Variants in SLC31A1 observed in about 807,000 individuals in gnomAD.
The protein encoded by SLC31A1 is solute carrier family 31 member 1.
In SLC31A1, 5 loss-of-function variants were observed where a neutral mutation model predicts 17.2. The observed-to-expected ratio is 0.29, with a 90% CI of 0.15 to 0.61. The LOEUF is 0.61. Ranked by LOEUF, SLC31A1 falls within the 20% of genes least tolerant of loss-of-function variation. The pLI, the probability that SLC31A1 is intolerant of heterozygous loss-of-function variation, is 0.86. For missense variants in SLC31A1, 161 were observed against 241.4 expected, an observed-to-expected ratio of 0.67 and a Z score of 2.21; for synonymous variants, 76 against 78.8, an observed-to-expected ratio of 0.96 and a Z score of 0.19.
intron 1 of SLC31A1, among the ~76,000 whole-genome samples, chr9:113,242,599 C>T (rs547081025): frequency 1.6e-4 from 24 of 152,194 alleles, no homozygotes; most frequent in African/African-American, 5.5e-4. Context: ...GAGATGGGGT[C>T]TCACTGTATT....
At chr9:113,235,065 T>C (rs1564206929) in intron 1 of SLC31A1, among the ~76,000 whole-genome samples, 1 of 152,186 alleles carries the variant, frequency 6.6e-6, no homozygotes, top group Non-Finnish European at 1.5e-5. Context: ...AGCCACAGAC[T>C]GGGAGAAGAT....
rs1161469322 is a variant in SLC31A1 at position 113,261,612 on chromosome 9, C to T, written c.*1139C>T. On this transcript the variant is annotated 3_prime_UTR_variant, in exon 5 of 5. Coordinates refer to ENST00000374212, the MANE Select transcript of SLC31A1 (RefSeq NM_001859.4). The stretch of plus-strand genomic sequence containing the variant: ...AGCAAGAGAGTTTGAATTAATTTTT[C>T]CATTATAATGTTTTCGCATGTCTGC... 1 of 152,540 alleles carries T rather than the reference C, an allele frequency of 6.6e-6. No homozygotes were observed. Among genetic ancestry groups the T allele is most frequent in the Non-Finnish European group, 1.5e-5 (1 of 68,028 alleles). The allele number at this position is 152,540 out of a possible 1,614,324, so 9.4% of individuals were successfully genotyped here.
intron 2 of SLC31A1, 148 bp from the exon 3 acceptor site, chr9:113,256,965 G>A (rs113882424): frequency 7.2e-6 from 5 of 698,000 alleles, no homozygotes; most frequent in African/African-American, 1.8e-5. Flanking sequence ...TGGTGGTAAC[G>A]CTAACATGAG....
Position 113,258,875 on chromosome 9 carries a change from C to T in SLC31A1, c.371+13C>T, listed in dbSNP as rs1246965854. ...ACAAAACTGTTGGGTAAGAACTGAACAGATCCAGATGAAGTCCTAAAGAAC... is the reference window on the plus strand; with the variant it reads ...ACAAAACTGTTGGGTAAGAACTGAATAGATCCAGATGAAGTCCTAAAGAAC... On this transcript the variant is annotated intron_variant, in intron 4 of 4. Transcript: ENST00000374212. The surrounding 1 kb of genome is among the most constrained non-coding windows in gnomAD (Gnocchi z 4.8). The T allele has an allele frequency of 1.2e-6, 2 of 1,613,762 alleles. No individual in the cohort carries two copies. The highest frequency in any genetic ancestry group is 1.7e-4 in the Middle Eastern group (1 of 6,056).
chr9:113,243,639 C>G (rs1831545619), intron 1 of SLC31A1, among the ~76,000 whole-genome samples: 1 of 152,150 alleles, frequency 6.6e-6, no homozygotes, highest in South Asian at 2.1e-4. Flanking sequence ...TTCAAACTCC[C>G]AGGCTCCAGT....
At chr9:113,250,633 C>T (rs1224285876) in intron 1 of SLC31A1, among the ~76,000 whole-genome samples, 1 of 147,028 alleles carries the variant, frequency 6.8e-6, no homozygotes, top group Non-Finnish European at 1.5e-5. Context: ...ACATATGTAA[C>T]TAACCTGCAC....
chr9:113,255,495 T>C lies in SLC31A1; in HGVS notation c.-35-619T>C, dbSNP rs138013321. Among the ~76,000 whole-genome samples the C allele has an allele frequency of 3.0e-4, 46 of 152,184 alleles. No individual in the cohort carries two copies. In the East Asian group the frequency reaches 7.9e-3, roughly 26 times the overall value. ...CTTTGGGAGGCCAAGGCAAGAGGATTGCTTGAGCTCAGGAGTTCGAGACCT... is the reference window on the plus strand; with the variant it reads ...CTTTGGGAGGCCAAGGCAAGAGGATCGCTTGAGCTCAGGAGTTCGAGACCT... On this transcript the variant is annotated intron_variant, in intron 1 of 4. Coordinates refer to ENST00000374212, the MANE Select transcript of SLC31A1 (RefSeq NM_001859.4).
intron 1 of SLC31A1, among the ~76,000 whole-genome samples, chr9:113,236,521 G>A (rs938813850): frequency 9.2e-5 from 14 of 151,774 alleles, no homozygotes; most frequent in African/African-American, 3.4e-4. Context: ...CTGCCACCAC[G>A]CCCGGCTAAT....
intron 3 of SLC31A1, 84 bp downstream of exon 3, chr9:113,257,269 C>A: frequency 1.8e-6 from 2 of 1,123,830 alleles, no homozygotes; most frequent in Non-Finnish European, 2.7e-6. Flanking sequence ...GCACCTCTTT[C>A]TGTCCTAATT....
intron 1 of SLC31A1, among the ~76,000 whole-genome samples, chr9:113,251,629 G>A (rs16931174): frequency 0.011 from 1,721 of 152,222 alleles, 36 homozygotes; most frequent in African/African-American, 0.039. Context: ...GGTTAGGTGT[G>A]TTCGATTGCT....
chr9:113,228,130 A>G (rs1831362544), intron 1 of SLC31A1, among the ~76,000 whole-genome samples: 1 of 152,238 alleles, frequency 6.6e-6, no homozygotes, highest in Non-Finnish European at 1.5e-5. Flanking sequence ...GCCTAATGTC[A>G]CATGGCTAGT....
In SLC31A1 at chr9:113,258,922, C is replaced by A; in HGVS notation, c.371+60C>A. 6.5e-7 allele frequency: 1 copy of A among 1,543,708 alleles called. No homozygotes were observed. Among genetic ancestry groups the A allele is most frequent in the Non-Finnish European group, 9.0e-7 (1 of 1,116,104 alleles). On this transcript the variant is annotated intron_variant, in intron 4 of 4. Transcript: ENST00000374212. The surrounding 1 kb of genome is among the most constrained non-coding windows in gnomAD (Gnocchi z 4.8). The stretch of plus-strand genomic sequence containing the variant: ...GAACTCGATCAGTTAAGCAGCAAAG[C>A]GCAGCTGTGTGATCAGCAGCAGCCC...
At chr9:113,256,044 CTAAAAA>C in intron 1 of SLC31A1, 64 bp from the exon 2 acceptor site, 1 of 1,212,878 alleles carries the variant, frequency 8.2e-7, no homozygotes, top group Non-Finnish European at 1.1e-6. Flanking sequence ...GATTCCATCT[CTAAAAA>C]TAAAAAAAAG....
chr9:113,225,385 A>G (rs1831329121), intron 1 of SLC31A1, among the ~76,000 whole-genome samples: 1 of 152,246 alleles, frequency 6.6e-6, no homozygotes, highest in Non-Finnish European at 1.5e-5. Flanking sequence ...GGAATTTTTT[A>G]TTCTAAATGG....
chr9:113,243,127 T>C (rs1341090226), intron 1 of SLC31A1, among the ~76,000 whole-genome samples: 2 of 152,090 alleles, frequency 1.3e-5, no homozygotes, highest in Non-Finnish European at 2.9e-5. Context: ...ATGGATTATG[T>C]AATTCAGTAT....
chr9:113,237,124 G>A (rs1399509856), intron 1 of SLC31A1, among the ~76,000 whole-genome samples: 1 of 152,210 alleles, frequency 6.6e-6, no homozygotes, highest in Non-Finnish European at 1.5e-5. Context: ...ATGCCAAAAT[G>A]TAGCCTAGAG....
At chr9:113,231,896 C>CGATA (rs1357492037) in intron 1 of SLC31A1, among the ~76,000 whole-genome samples, 1 of 152,086 alleles carries the variant, frequency 6.6e-6, no homozygotes, top group Non-Finnish European at 1.5e-5. Flanking sequence ...CTGGGATAGG[C>CGATA]GATAGCCAGG....
chr9:113,225,945 C>G (rs573657350), intron 1 of SLC31A1, among the ~76,000 whole-genome samples: 1 of 152,228 alleles, frequency 6.6e-6, no homozygotes, highest in Admixed American at 6.5e-5. Flanking sequence ...ACCAGCCTGG[C>G]CAACATGGTG....
chr9:113,222,842 G>C (rs563046431), intron 1 of SLC31A1, among the ~76,000 whole-genome samples: 4 of 152,274 alleles, frequency 2.6e-5, no homozygotes, highest in African/African-American at 9.6e-5. Flanking sequence ...GGAGTAACTG[G>C]ATTAAGTACC....
Sources: allele counts gnomAD v4.1 joint callset (sites outside exome capture counted in the v4.1 genomes callset), GRCh38; gene constraint gnomAD v4.1.1; non-coding constraint Gnocchi (gnomAD v3.1); transcripts MANE v1.5; gene names NCBI Gene and HGNC (gene_info 2026-07-23, HGNC 2026-07-21).